The following PCDHA4 variants were observed in gnomAD, a reference collection of about 807,000 sequenced individuals.
PCDHA4 encodes protocadherin alpha 4, also known as protocadherin alpha-4.
A neutral mutation model predicts 61.4 loss-of-function variants in PCDHA4; 49 were observed. The ratio of observed to expected loss-of-function variants is 0.80; its 90% CI spans 0.63 to 1.01. The LOEUF (loss-of-function observed/expected upper bound fraction) is 1.01. Among genes scored for constraint, PCDHA4 ranks in the 50% least tolerant of loss-of-function variants. PCDHA4 has a pLI of 0.00. For synonymous variants in PCDHA4, 590 were observed against 550.3 expected (o/e 1.07, Z -1.01); for missense variants, 1,254 against 1,235.8 (o/e 1.01, Z -0.22).
intron 1 of PCDHA4, among the ~76,000 whole-genome samples, chr5:140,891,825 G>T (rs2153435686): frequency 6.6e-6 from 1 of 152,302 alleles, no homozygotes; most frequent in East Asian, 1.9e-4. Flanking sequence ...TAACGGCACT[G>T]TAAAAGGACT....
intron 1 of PCDHA4, chr5:140,884,280 A>G: frequency 6.2e-7 from 1 of 1,613,576 alleles, no homozygotes; most frequent in Non-Finnish European, 8.5e-7. Context: ...TCGCTGGTGG[A>G]GAGCGGCCAA....
chr5:140,823,259 A>T, intron 1 of PCDHA4: 10 of 1,613,038 alleles, frequency 6.2e-6, no homozygotes, highest in Non-Finnish European at 8.5e-6. Context: ...TCGCTGGTGG[A>T]GCGGCGGGTG....
intron 1 of PCDHA4, chr5:140,835,438 T>G (rs1773640668): frequency 6.2e-7 from 1 of 1,613,918 alleles, no homozygotes; most frequent in South Asian, 1.1e-5. Context: ...CAGTTGACTC[T>G]CACTTCCCTG....
In PCDHA4 at chr5:140,927,522, A is replaced by G. The variant is rs1292484442; in HGVS notation, c.2386-51427A>G. On this transcript the variant is annotated intron_variant, in intron 1 of 3. Coordinates refer to ENST00000530339, the MANE Select transcript of PCDHA4 (RefSeq NM_018907.4). ...TGCTTACAGCTCGGGACGGCGGGCT[A>G]CCTGCCCGCTCAGGAGACGCACAAG... 5.6e-6 allele frequency: 9 copies of G among 1,614,088 alleles called. No homozygotes were observed. In the South Asian group the frequency reaches 9.9e-5, roughly 18 times the overall value.
chr5:140,921,824 A>G (rs1554200461), intron 1 of PCDHA4, among the ~76,000 whole-genome samples: 1 of 152,172 alleles, frequency 6.6e-6, no homozygotes. Flanking sequence ...GTGAATATCT[A>G]TACACATATA....
chr5:140,995,379 G>T (rs1300023701), intron 3 of PCDHA4, among the ~76,000 whole-genome samples: 2 of 152,172 alleles, frequency 1.3e-5, no homozygotes, highest in East Asian at 1.9e-4. Context: ...CACGTACTGG[G>T]CAGGATAAAG....
intron 1 of PCDHA4, among the ~76,000 whole-genome samples, chr5:140,953,639 AG>A (rs1227582024): frequency 6.6e-6 from 1 of 152,152 alleles, no homozygotes; most frequent in African/African-American, 2.4e-5. Context: ...TATTTTGGCC[AG>A]GAGCTATAGT....
chr5:140,836,596 C>G, intron 1 of PCDHA4: 1 of 1,613,764 alleles, frequency 6.2e-7, no homozygotes, highest in South Asian at 1.1e-5. Context: ...GTAAAGCCCA[C>G]TCTGGTGTGC....
intron 1 of PCDHA4, chr5:140,822,396 C>T (rs2150116013): frequency 1.9e-6 from 3 of 1,613,902 alleles, no homozygotes; most frequent in Non-Finnish European, 2.5e-6. Flanking sequence ...CACAAGAACA[C>T]CGTTTATTAG....
chr5:141,010,107 C>T lies in PCDHA4; in HGVS notation c.*170C>T, dbSNP rs1457376249. On this transcript the variant is annotated 3_prime_UTR_variant, in exon 4 of 4. Coordinates refer to ENST00000530339, the MANE Select transcript of PCDHA4 (RefSeq NM_018907.4). ...CTAGAACGCATTTAACAGGTTTTGT[C>T]GTAAAAGCTTTACTAAGTCTGGTGT... 8.1e-6 allele frequency: 13 copies of T among 1,611,484 alleles called. No individual in the cohort carries two copies. Among genetic ancestry groups the T allele is most frequent in the South Asian group, 4.4e-5 (4 of 90,776 alleles).
At chr5:140,830,299 G>A (rs2150184675) in intron 1 of PCDHA4, 1 of 1,613,920 alleles carries the variant, frequency 6.2e-7, no homozygotes, top group South Asian at 1.1e-5. Context: ...CGGCGGACAA[G>A]CCCACGCTGG....
chr5:140,909,787 A>C (rs1299398218), intron 1 of PCDHA4, among the ~76,000 whole-genome samples: 2 of 152,156 alleles, frequency 1.3e-5, no homozygotes, highest in African/African-American at 4.8e-5. Flanking sequence ...ACCCACTCTA[A>C]GTCAGACTTC....
At chr5:140,812,151 T>A (rs1554125915) in intron 1 of PCDHA4, 1 of 151,954 alleles carries the variant, frequency 6.6e-6, no homozygotes, top group Non-Finnish European at 1.5e-5. Context: ...TGGGCTTTTG[T>A]TGTTGTTGTT....
chr5:140,887,670 C>T (rs368430565), intron 1 of PCDHA4, among the ~76,000 whole-genome samples: 1 of 151,988 alleles, frequency 6.6e-6, no homozygotes, highest in Non-Finnish European at 1.5e-5. Context: ...GTGGATTTAT[C>T]ATTTTCATCA....
At chr5:140,875,546 AGGTGGGGAGCG>A in intron 1 of PCDHA4, 1 of 1,614,002 alleles carries the variant, frequency 6.2e-7, no homozygotes, top group Non-Finnish European at 8.5e-7. Context: ...GCAGCCTGGG[AGGTGGGGAGCG>A]GCCAGCTCCA....
chr5:140,879,875 C>T (rs1040496825), intron 1 of PCDHA4, among the ~76,000 whole-genome samples: 39 of 152,326 alleles, frequency 2.6e-4, no homozygotes, highest in African/African-American at 8.7e-4. Flanking sequence ...TTCATGGTCA[C>T]ATTGCCTCCT....
chr5:140,849,081 T>G (rs2040772386), intron 1 of PCDHA4: 2 of 1,516,686 alleles, frequency 1.3e-6, no homozygotes. Context: ...TGGACTTGTA[T>G]TACGGAAACT....
At chr5:140,940,965 A>G (rs2092710706) in intron 1 of PCDHA4, among the ~76,000 whole-genome samples, 1 of 152,226 alleles carries the variant, frequency 6.6e-6, no homozygotes, top group Admixed American at 6.5e-5. Context: ...AATATGCAGG[A>G]TATCTGGTAT....
intron 1 of PCDHA4, among the ~76,000 whole-genome samples, chr5:140,900,537 A>G (rs2068113323): frequency 6.6e-6 from 1 of 152,204 alleles, no homozygotes; most frequent in African/African-American, 2.4e-5. Context: ...TCGGCTTTCC[A>G]AAGTGCTGGG....
Sources: allele counts gnomAD v4.1 joint callset (sites outside exome capture counted in the v4.1 genomes callset), GRCh38; gene constraint gnomAD v4.1.1; transcripts MANE v1.5; gene names NCBI Gene and HGNC (gene_info 2026-07-23, HGNC 2026-07-21).